The following CTNNA3 variants were observed in gnomAD, a reference collection of about 807,000 sequenced individuals.
CTNNA3 encodes the protein catenin alpha 3.
CTNNA3 carries 76 observed loss-of-function variants against 95.7 expected under a neutral mutation model. The ratio of observed to expected loss-of-function variants is 0.79; its 90% CI spans 0.66 to 0.96. The LOEUF (loss-of-function observed/expected upper bound fraction) is 0.96. Among genes scored for constraint, CTNNA3 ranks in the 40% least tolerant of loss-of-function variants. The probability of loss-of-function intolerance (pLI) is 0.00; values close to 1 mark genes in which losing one functional copy is unlikely to be tolerated. For synonymous variants in CTNNA3, 431 were observed against 374.4 expected (o/e 1.15, Z -1.74); for missense variants, 1,191 against 1,089.8 (o/e 1.09, Z -1.31).
At chr10:67,255,122 C>T (rs553202283) in intron 5 of CTNNA3, among the ~76,000 whole-genome samples, 1 of 152,122 alleles carries the variant, frequency 6.6e-6, no homozygotes, top group South Asian at 2.1e-4. Flanking sequence ...AGGGAGAAAC[C>T]ATGTCTCTAC....
chr10:67,740,330 C>T (rs1321242708), intron 1 of CTNNA3, among the ~76,000 whole-genome samples: 1 of 151,918 alleles, frequency 6.6e-6, no homozygotes, highest in African/African-American at 2.4e-5. Flanking sequence ...AACTCAAGAG[C>T]TTCTGCACAG....
At chr10:67,470,528 G>A (rs554977436) in intron 5 of CTNNA3, among the ~76,000 whole-genome samples, 1 of 151,850 alleles carries the variant, frequency 6.6e-6, no homozygotes, top group South Asian at 2.1e-4. Context: ...TTTTTTAAAG[G>A]CACATTATAT....
chr10:67,753,965 T>A (rs1436284369), intron 1 of CTNNA3, among the ~76,000 whole-genome samples: 1 of 152,250 alleles, frequency 6.6e-6, no homozygotes, highest in Non-Finnish European at 1.5e-5. Flanking sequence ...CATTACTGGG[T>A]ATATACCCAA....
At chr10:67,121,155 A>G (rs944012574) in intron 7 of CTNNA3, among the ~76,000 whole-genome samples, 7 of 152,016 alleles carry the variant, frequency 4.6e-5, no homozygotes, top group African/African-American at 1.7e-4. Context: ...AACTCTCCCA[A>G]CTGGTCAATT....
intron 3 of CTNNA3, among the ~76,000 whole-genome samples, chr10:67,572,206 A>C (rs193195565): frequency 7.2e-4 from 110 of 152,072 alleles, no homozygotes; most frequent in Middle Eastern, 3.4e-3. Flanking sequence ...ATTTACTTAA[A>C]TTTTTTTTGT....
chr10:66,457,584 G>A (rs2093502893), intron 11 of CTNNA3, among the ~76,000 whole-genome samples: 3 of 150,516 alleles, frequency 2.0e-5, no homozygotes, highest in Admixed American at 2.0e-4. Flanking sequence ...CATAATTGCT[G>A]AAAAACGAAA....
At chr10:67,050,556 A>G (rs1422922409) in intron 7 of CTNNA3, among the ~76,000 whole-genome samples, 1 of 152,152 alleles carries the variant, frequency 6.6e-6, no homozygotes, top group African/African-American at 2.4e-5. Flanking sequence ...GCAAAACCTA[A>G]GACCACCTTC....
At chr10:67,353,469 C>G (rs534305577) in intron 5 of CTNNA3, among the ~76,000 whole-genome samples, 19 of 98,778 alleles carry the variant, frequency 1.9e-4, no homozygotes, top group African/African-American at 5.5e-4. Flanking sequence ...TGAACTCATC[C>G]TGTTATGCAC....
At chr10:67,628,738 T>C (rs953607491) in intron 2 of CTNNA3, among the ~76,000 whole-genome samples, 2 of 152,148 alleles carry the variant, frequency 1.3e-5, no homozygotes, top group African/African-American at 4.8e-5. Context: ...TCATTCATAA[T>C]TATGAGTGTT....
intron 10 of CTNNA3, among the ~76,000 whole-genome samples, chr10:66,525,034 A>G (rs1256363879): frequency 6.6e-6 from 1 of 152,008 alleles, no homozygotes; most frequent in African/African-American, 2.4e-5. Flanking sequence ...GGGCAATAAG[A>G]GCAAAACTCC....
chr10:67,605,684 AT>A (rs563343263), intron 3 of CTNNA3, among the ~76,000 whole-genome samples: 5,407 of 150,198 alleles, frequency 0.036, 94 homozygotes, highest in Middle Eastern at 0.076. Flanking sequence ...AAATACAAAA[AT>A]TTTTTTTTTT....
intron 9 of CTNNA3, among the ~76,000 whole-genome samples, chr10:66,710,175 C>T (rs548472393): frequency 1.3e-5 from 2 of 152,226 alleles, no homozygotes; most frequent in East Asian, 3.9e-4. Flanking sequence ...CAGTCACTGG[C>T]AAATCCAGTG....
intron 9 of CTNNA3, among the ~76,000 whole-genome samples, chr10:66,760,758 C>T (rs1039775740): frequency 6.6e-6 from 1 of 152,226 alleles, no homozygotes. Flanking sequence ...TTTTAAAGGT[C>T]ATGTTCAGCC....
At chr10:67,203,579 CT>C (rs1248905635) in intron 6 of CTNNA3, among the ~76,000 whole-genome samples, 2 of 152,156 alleles carry the variant, frequency 1.3e-5, no homozygotes, top group African/African-American at 4.8e-5. Flanking sequence ...ACTGTCAGTT[CT>C]TTTTTCATAC....
intron 11 of CTNNA3, among the ~76,000 whole-genome samples, chr10:66,440,870 G>C (rs926110375): frequency 6.6e-6 from 1 of 152,112 alleles, no homozygotes; most frequent in African/African-American, 2.4e-5. Flanking sequence ...GTTATTATTT[G>C]TTCCCTCCAA....
Position 65,926,354 on chromosome 10 carries a change from T to C in CTNNA3, c.2401-5737A>G, listed in dbSNP as rs190728752. On this transcript the variant is annotated intron_variant, in intron 17 of 17. Coordinates refer to ENST00000433211, the MANE Select transcript of CTNNA3 (RefSeq NM_013266.4). ...AATGTATACAATTTTATCAAGTATG[T>C]ACCTGAGAGTGCCACTGTGGAATTA... Among the ~76,000 whole-genome samples, 3 of 152,246 alleles carry C rather than the reference T, an allele frequency of 2.0e-5. No homozygotes were observed. In the East Asian group the frequency reaches 5.8e-4, roughly 29 times the overall value.
chr10:66,928,554 C>T, intron 7 of CTNNA3: 1 of 1,081,190 alleles, frequency 9.2e-7, no homozygotes, highest in South Asian at 1.7e-5. Context: ...CCCCCCTCCC[C>T]TTCCCTCTCC....
At chr10:67,280,463 A>G (rs1302266555) in intron 5 of CTNNA3, among the ~76,000 whole-genome samples, 6 of 152,036 alleles carry the variant, frequency 3.9e-5, no homozygotes, top group Non-Finnish European at 5.9e-5. Context: ...TTAGGCACAC[A>G]GATCCATTGA....
At chr10:66,908,759 T>A (rs930709914) in intron 7 of CTNNA3, among the ~76,000 whole-genome samples, 1 of 152,210 alleles carries the variant, frequency 6.6e-6, no homozygotes, top group Non-Finnish European at 1.5e-5. Flanking sequence ...AAGTTGAGTC[T>A]GGATAGTGCC....
Sources: allele counts gnomAD v4.1 joint callset (sites outside exome capture counted in the v4.1 genomes callset), GRCh38; gene constraint gnomAD v4.1.1; transcripts MANE v1.5; gene names NCBI Gene and HGNC (gene_info 2026-07-23, HGNC 2026-07-21).